The following CNGA1 variants were observed in gnomAD, a reference collection of about 807,000 sequenced individuals.
The protein encoded by CNGA1 is cyclic nucleotide-gated channel alpha-1.
CNGA1 carries 53 observed loss-of-function variants against 69.7 expected under a neutral mutation model. The ratio of observed to expected loss-of-function variants is 0.76; its 90% CI spans 0.61 to 0.96. CNGA1 has a LOEUF of 0.96. Among genes scored for constraint, CNGA1 ranks in the 40% least tolerant of loss-of-function variants. The pLI is 0.00. For missense variants in CNGA1, 739 were observed against 811.2 expected (o/e 0.91, Z 1.08); for synonymous variants, 249 against 283.5 (o/e 0.88, Z 1.22).
At chr4:47,975,276 A>G (rs185559932) in intron 3 of CNGA1, among the ~76,000 whole-genome samples, 1 of 152,220 alleles carries the variant, frequency 6.6e-6, no homozygotes, top group Non-Finnish European at 1.5e-5. Context: ...CACTGTTGCT[A>G]TGTTGCCCCA....
intron 2 of CNGA1, among the ~76,000 whole-genome samples, chr4:48,004,654 G>C (rs1400377183): frequency 6.6e-6 from 1 of 152,124 alleles, no homozygotes; most frequent in Non-Finnish European, 1.5e-5. Flanking sequence ...GGAGGAGGAA[G>C]GGAGAAAAAC....
chr4:47,984,665 C>T (rs6858877), intron 2 of CNGA1, among the ~76,000 whole-genome samples: 2,373 of 35,014 alleles, frequency 0.068, 52 homozygotes, highest in African/African-American at 0.16. Flanking sequence ...TATATATATA[C>T]ACACACACAC....
At chr4:47,996,121 A>G (rs1230608015) in intron 2 of CNGA1, among the ~76,000 whole-genome samples, 1 of 152,054 alleles carries the variant, frequency 6.6e-6, no homozygotes, top group East Asian at 1.9e-4. Flanking sequence ...ATTTATTCCT[A>G]CAGTCATTCT....
At chr4:47,997,972 T>A (rs923936363) in intron 2 of CNGA1, among the ~76,000 whole-genome samples, 25 of 152,142 alleles carry the variant, frequency 1.6e-4, no homozygotes, top group African/African-American at 5.8e-4. Context: ...AATCATAAGA[T>A]GAACCATCAT....
chr4:47,956,480 T>G (rs1740095152), intron 3 of CNGA1, among the ~76,000 whole-genome samples: 1 of 152,210 alleles, frequency 6.6e-6, no homozygotes, highest in Admixed American at 6.5e-5. Context: ...GCTGGCTAAT[T>G]CTGGCATATT....
intron 2 of CNGA1, among the ~76,000 whole-genome samples, chr4:47,995,991 A>G (rs140935681): frequency 5.1e-4 from 77 of 152,264 alleles, no homozygotes; most frequent in Non-Finnish European, 9.4e-4. Flanking sequence ...GTCCTGTTAC[A>G]TAAACCATCT....
chr4:47,980,672 G>A (rs1035334756), intron 3 of CNGA1, among the ~76,000 whole-genome samples: 15 of 151,766 alleles, frequency 9.9e-5, no homozygotes, highest in African/African-American at 3.6e-4. Flanking sequence ...ACAAGGTTTT[G>A]CCATATTGCC....
intron 2 of CNGA1, among the ~76,000 whole-genome samples, chr4:47,983,306 C>G (rs943905948): frequency 2.0e-5 from 3 of 152,092 alleles, no homozygotes; most frequent in Non-Finnish European, 1.5e-5. Context: ...AAATAAGCCC[C>G]TTGGCGGGGC....
At chr4:48,012,157 G>A (rs555477901) in intron 1 of CNGA1, among the ~76,000 whole-genome samples, 9 of 152,284 alleles carry the variant, frequency 5.9e-5, no homozygotes, top group African/African-American at 2.2e-4. Context: ...AATAACTCAT[G>A]ATATATTGGC....
Position 48,016,665 on chromosome 4 carries a change from A to C in CNGA1, c.-405T>G, listed in dbSNP as rs983935891. On this transcript the variant is annotated 5_prime_UTR_variant, in exon 1 of 11. Transcript: ENST00000514170. ...GAATTCGCAACAAGCCCCGGGCAGC[A>C]GGGCTCGGCTGGCGCTGAGGCCCCG... The C allele has an allele frequency of 1.7e-6, 1 of 580,238 alleles. No homozygotes were observed. The highest frequency in any genetic ancestry group is 2.2e-5 in the South Asian group (1 of 45,096). The allele number at this position is 580,238 out of a possible 1,614,324, so 35.9% of individuals were successfully genotyped here. A position where few individuals can be genotyped will look rare whatever the true frequency, so the allele number is the denominator to read the frequency against.
intron 3 of CNGA1, among the ~76,000 whole-genome samples, chr4:47,963,070 G>A (rs898295961): frequency 4.0e-5 from 6 of 151,854 alleles, no homozygotes; most frequent in Non-Finnish European, 8.8e-5. Context: ...CAGTCCTCCC[G>A]CCTCAACCTT....
At chr4:48,011,312 T>TAA (rs552549933) in intron 1 of CNGA1, among the ~76,000 whole-genome samples, 31 of 118,936 alleles carry the variant, frequency 2.6e-4, no homozygotes, top group African/African-American at 7.9e-4. Context: ...AAAAAATTAC[T>TAA]AAAAAAAAAA....
In CNGA1 at chr4:47,937,447, G is replaced by T; in HGVS notation, c.1035C>A (p.Tyr345Ter). 1.9e-6 allele frequency: 3 copies of T among 1,614,144 alleles called. No homozygotes were observed. Among genetic ancestry groups the T allele is most frequent in the Non-Finnish European group, 2.5e-6 (3 of 1,180,016 alleles). The change falls in exon 11 of 11, where the codon TAC becomes TAA. Residue 345 changes from tyrosine (Y) to a stop codon, truncating the protein, a stop_gained. Transcript: ENST00000514170. LOFTEE classifies it high-confidence loss of function. ...GTGTAGACCAGTAAAGGCTGTATAC[G>T]TATTTTCTAGCCAAACGGCCAAATT... ...DPEFGRLARKYVYSLYWSTLT... is the reference protein window; with the variant it reads ...DPEFGRLARK
chr4:47,956,119 C>T (rs562762741), intron 3 of CNGA1, among the ~76,000 whole-genome samples: 2 of 152,290 alleles, frequency 1.3e-5, no homozygotes, highest in Admixed American at 6.5e-5. Flanking sequence ...TTCTGGATGG[C>T]ATTTGCGGCA....
intron 6 of CNGA1, among the ~76,000 whole-genome samples, chr4:47,947,543 G>A (rs879430872): frequency 6.6e-6 from 1 of 152,112 alleles, no homozygotes; most frequent in Non-Finnish European, 1.5e-5. Flanking sequence ...GGTGGCTCAC[G>A]CCTGTAATCC....
chr4:47,966,737 A>G (rs1359234783), intron 3 of CNGA1, among the ~76,000 whole-genome samples: 1 of 152,238 alleles, frequency 6.6e-6, no homozygotes, highest in Non-Finnish European at 1.5e-5. Context: ...CAGTTCTTGC[A>G]AACAAAACTT....
In CNGA1 at chr4:47,997,688, G is replaced by A. The variant is rs116647839; in HGVS notation, c.-123+13106C>T. ...TTTGGTGGTAGTGCTGTTTCACAAC[G>A]CTTTGAGTCATTACAGATTGTAGTA... On this transcript the variant is annotated intron_variant, in intron 2 of 10. Coordinates refer to ENST00000514170, the MANE Select transcript of CNGA1 (RefSeq NM_001379270.1). Among the ~76,000 whole-genome samples, 844 of 152,114 alleles carry A rather than the reference G, an allele frequency of 5.5e-3. 5 individuals carry two copies. Among genetic ancestry groups the A allele is most frequent in the African/African-American group, 0.019 (784 of 41,476 alleles).
chr4:48,010,416 A>G (rs909948966), intron 2 of CNGA1, among the ~76,000 whole-genome samples: 1 of 152,222 alleles, frequency 6.6e-6, no homozygotes, highest in Admixed American at 6.5e-5. Flanking sequence ...AAGTGCCTAA[A>G]CTATACTCTT....
rs552783293 is a variant in CNGA1, at chr4:47,937,596, T to G, written c.886A>C (p.Ile296Leu). 3 of 1,614,150 alleles carry G rather than the reference T, an allele frequency of 1.9e-6. No individual in the cohort carries two copies. In the African/African-American group the frequency reaches 4.0e-5, roughly 22 times the overall value. ...TRTNYPNIFRISNLVMYIVII... is the reference protein window; with the variant it reads ...TRTNYPNIFRLSNLVMYIVII... ...ACGATATACATAACAAGGTTGGAAA[T>G]CCTGAAGATGTTTGGATAGTTTGTC... Residue 296 changes from isoleucine (I) to leucine (L), a missense_variant, in exon 11 of 11, where the codon ATT becomes CTT. Ile to Leu is a conservative substitution (Grantham distance 5, BLOSUM62 2). Coordinates refer to ENST00000514170, the MANE Select transcript of CNGA1 (RefSeq NM_001379270.1).
Sources: allele counts gnomAD v4.1 joint callset (sites outside exome capture counted in the v4.1 genomes callset), GRCh38; gene constraint gnomAD v4.1.1; transcripts MANE v1.5; gene names NCBI Gene and HGNC (gene_info 2026-07-23, HGNC 2026-07-21).